The following CEP350 variants were observed in gnomAD, a reference collection of about 807,000 sequenced individuals.
CEP350 encodes the protein centrosomal protein 350.
CEP350 carries 126 observed loss-of-function variants against 331.8 expected under a neutral mutation model. The ratio of observed to expected loss-of-function variants is 0.38; its 90% CI spans 0.33 to 0.44. CEP350 has a LOEUF of 0.44. CEP350 is among the 20% of genes least tolerant of loss of function. The pLI is 1.00. For missense variants in CEP350, 3,406 were observed against 3,634.6 expected (o/e 0.94, Z 1.62); for synonymous variants, 1,200 against 1,259.5 (o/e 0.95, Z 1.00).
intron 14 of CEP350, among the ~76,000 whole-genome samples, chr1:180,025,126 A>C (rs1055840513): frequency 6.6e-6 from 1 of 152,056 alleles, no homozygotes. Context: ...GGGTTTCACC[A>C]TGTTAGCCAG....
chr1:180,063,457 T>A (rs1004840511), intron 26 of CEP350, among the ~76,000 whole-genome samples: 11 of 151,484 alleles, frequency 7.3e-5, no homozygotes, highest in Admixed American at 3.9e-4. Flanking sequence ...CCTCCCAGAG[T>A]GTTAGGATTA....
rs917081253 is a variant in CEP350, at chr1:179,986,178, C to T, written c.-4C>T. On this transcript the variant is annotated 5_prime_UTR_variant, in exon 2 of 38. An upstream open reading frame in the 5' UTR gains an earlier in-frame stop. Coordinates refer to ENST00000367607, the MANE Select transcript of CEP350 (RefSeq NM_014810.5). ...ACTGATGTGATTGCAGGTAAATTGG[C>T]AGGATGAGGAGCAGCAAATCAAAAG... 8.4e-6 allele frequency: 13 copies of T among 1,550,078 alleles called. No homozygotes were observed. The South Asian group carries it at 9.5e-5, about 11-fold the overall frequency.
chr1:179,996,591 A>G lies in CEP350; in HGVS notation c.434A>G (p.His145Arg), dbSNP rs1359276303. 1 of 1,586,710 alleles carries G rather than the reference A, an allele frequency of 6.3e-7. No individual in the cohort carries two copies. Among genetic ancestry groups the G allele is most frequent in the Non-Finnish European group, 8.6e-7 (1 of 1,165,260 alleles). Residue 145 changes from histidine to arginine, a missense_variant, in exon 6 of 38, where the codon CAT becomes CGT. This residue lies in a region of CEP350 where 1,857 missense variants were observed against 1,909.2 expected (regional missense o/e 0.97). Transcript: ENST00000367607. ...HGAPSNFSSS[H>R]LESKHVYCVD... The stretch of plus-strand genomic sequence containing the variant: ...GCACCTTCCAATTTCAGTTCCAGCC[A>G]TCTGGAATCAAAGCACGTATACTGT...
Position 180,075,064 on chromosome 1 carries a change from A to G in CEP350, c.5610A>G (p.Gln1870=). Residue 1870 remains glutamine, a synonymous_variant, in exon 28 of 38, where the codon CAA becomes CAG. Transcript: ENST00000367607. Reference sequence around the variant, plus strand: ...AGCAAAAATTAATGCAACGGCGACAACATGCAGAGGAGCTCCTAGAGTGGA... The same window carrying G: ...AGCAAAAATTAATGCAACGGCGACAGCATGCAGAGGAGCTCCTAGAGTGGA... ...KREQKLMQRR[Q]HAEELLEWKR... 1 of 1,613,102 alleles carries G rather than the reference A, an allele frequency of 6.2e-7. No homozygotes were observed. The highest frequency in any genetic ancestry group is 8.5e-7 in the Non-Finnish European group (1 of 1,179,536).
rs1279375312 is a variant in CEP350 at position 180,080,947 on chromosome 1, C to T, written c.6124+286C>T. ...CGATCTTGTCTCACTGCAACCTCCG[C>T]CTCCCAGGGTCAAGCAATTCTCCTG... On this transcript the variant is annotated intron_variant, in intron 30 of 37. Transcript: ENST00000367607. 2.6e-5 allele frequency among the ~76,000 whole-genome samples: 4 copies of T among 152,124 alleles called. No homozygotes were observed. In the South Asian group the frequency reaches 6.2e-4, roughly 24 times the overall value.
At position 180,020,334 on chromosome 1, in the gene CEP350, G is replaced by A. The variant is rs771394147; in HGVS notation, c.2560G>A (p.Gly854Arg). ...KKLAGASINYGSAWNTEYDVQ... is the reference protein window; with the variant it reads ...KKLAGASINYRSAWNTEYDVQ... ...ATTAGCTGGGGCCAGCATTAACTATGGGTCAGCATGGAACACTGAGTATGA... is the reference window on the plus strand; with the variant it reads ...ATTAGCTGGGGCCAGCATTAACTATAGGTCAGCATGGAACACTGAGTATGA... The change falls in exon 12 of 38, where the codon GGG becomes AGG. Residue 854 changes from glycine (G) to arginine (R), a missense_variant. Physicochemically the swap from Gly to Arg is moderately radical, Grantham distance 125. Coordinates refer to ENST00000367607, the MANE Select transcript of CEP350 (RefSeq NM_014810.5). 1.2e-6 allele frequency: 2 copies of A among 1,613,742 alleles called. No homozygotes were observed.
At chr1:180,022,884 G>A (rs769062008) in intron 13 of CEP350, 36 bp downstream of exon 13, 4 of 1,535,692 alleles carry the variant, frequency 2.6e-6, no homozygotes, top group Non-Finnish European at 2.6e-6. Context: ...AAACTCTGAA[G>A]AGTGAGAAAA....
At position 180,098,848 on chromosome 1, in the gene CEP350, G is replaced by C; in HGVS notation, c.9067-15G>C. ...TCTGTTGTTTGTGTTTCGTGTATTT[G>C]TCTTGTTTCCACAGAGCTTCATAGC... On this transcript the variant is annotated splice_polypyrimidine_tract_variant and intron_variant, in intron 36 of 37. Coordinates refer to ENST00000367607, the MANE Select transcript of CEP350 (RefSeq NM_014810.5). The C allele has an allele frequency of 6.2e-7, 1 of 1,608,458 alleles. No individual in the cohort carries two copies. The highest frequency in any genetic ancestry group is 8.5e-7 in the Non-Finnish European group (1 of 1,177,406).
chr1:180,056,916 A>C (rs1203910505), intron 25 of CEP350, among the ~76,000 whole-genome samples: 1 of 152,132 alleles, frequency 6.6e-6, no homozygotes, highest in African/African-American at 2.4e-5. Context: ...TTCAGTTTGG[A>C]AAGTTTTTAT....
intron 14 of CEP350, among the ~76,000 whole-genome samples, chr1:180,030,703 T>C (rs1430458098): frequency 6.6e-6 from 1 of 152,100 alleles, no homozygotes; most frequent in Admixed American, 6.5e-5. Flanking sequence ...ATGTCCTATA[T>C]AAATGTTCAG....
At chr1:180,086,560 TAA>T (rs887303340) in intron 31 of CEP350, among the ~76,000 whole-genome samples, 2 of 133,454 alleles carry the variant, frequency 1.5e-5, no homozygotes, top group African/African-American at 2.7e-5. Context: ...TATATATATA[TAA>T]AATACATAGC....
intron 8 of CEP350, among the ~76,000 whole-genome samples, chr1:180,007,634 T>A (rs1654346905): frequency 6.6e-6 from 1 of 152,226 alleles, no homozygotes; most frequent in South Asian, 2.1e-4. Flanking sequence ...CAAATTTGGC[T>A]TTTGTTGCCA....
At chr1:180,008,304 G>A (rs958123956) in intron 8 of CEP350, among the ~76,000 whole-genome samples, 17 of 152,124 alleles carry the variant, frequency 1.1e-4, no homozygotes, top group African/African-American at 4.1e-4. Flanking sequence ...TTTGGTAAAT[G>A]AGCTAATTTT....
intron 8 of CEP350, among the ~76,000 whole-genome samples, chr1:180,009,885 C>T (rs1037533440): frequency 1.3e-5 from 2 of 152,132 alleles, no homozygotes; most frequent in African/African-American, 4.8e-5. Flanking sequence ...TAAAATGATA[C>T]TTCCGTTTAA....
chr1:180,094,086 A>G lies in CEP350; in HGVS notation c.7981A>G (p.Ile2661Val), dbSNP rs754085129. 29 of 1,613,942 alleles carry G rather than the reference A, an allele frequency of 1.8e-5. No homozygotes were observed. The highest frequency in any genetic ancestry group is 1.6e-4 in the South Asian group (15 of 91,076). ...VHQQSSVDSQ[I>V]SSKENKDLIS... ...CCAGCAGTCTTCAGTGGATTCACAG[A>G]TTTCTTCAAAGGAAAACAAAGACCT... Residue 2661 changes from isoleucine to valine, a missense_variant, in exon 34 of 38, where the codon ATT (isoleucine) becomes GTT (valine). Transcript: ENST00000367607.
chr1:180,092,509 A>T, intron 33 of CEP350, 105 bp from the exon 34 acceptor site: 1 of 674,012 alleles, frequency 1.5e-6, no homozygotes, highest in Non-Finnish European at 2.4e-6. Context: ...TATTGACTAG[A>T]GGGGTTTTTT....
At chr1:179,956,315 A>G (rs1445977420) in intron 1 of CEP350, among the ~76,000 whole-genome samples, 1 of 152,264 alleles carries the variant, frequency 6.6e-6, no homozygotes, top group Non-Finnish European at 1.5e-5. Context: ...ACTTCAAGCT[A>G]GAATACATTG....
intron 22 of CEP350, among the ~76,000 whole-genome samples, chr1:180,051,687 TCTAA>T (rs1361589983): frequency 1.3e-5 from 2 of 152,184 alleles, no homozygotes; most frequent in Non-Finnish European, 2.9e-5. Context: ...AATAAATGGA[TCTAA>T]CTGTGTTACA....
intron 22 of CEP350, chr1:180,052,134 G>A (rs1256930955): frequency 4.5e-6 from 2 of 443,900 alleles, no homozygotes; most frequent in Non-Finnish European, 9.0e-6. Flanking sequence ...ACCTAGCTCT[G>A]TCCACTGAGC....
Sources: gnomAD v4.1 joint callset for allele counts (sites outside exome capture counted in the v4.1 genomes callset) on GRCh38, gnomAD v4.1.1 for gene constraint, gnomAD v4.1.1 regional missense constraint, MANE v1.5 for transcripts, NCBI Gene and HGNC (gene_info 2026-07-23, HGNC 2026-07-21) for gene names.